UBE2F: variants seen among roughly 807,000 people sequenced by gnomAD.
The protein encoded by UBE2F is NEDD8-conjugating enzyme UBE2F.
UBE2F carries 5 observed loss-of-function variants against 29.6 expected under a neutral mutation model. The observed-to-expected ratio is 0.17, with a 90% confidence interval of 0.09 to 0.36. The LOEUF is 0.36. UBE2F is among the 10% of genes least tolerant of loss of function. The pLI is 1.00. For missense variants in UBE2F, 141 were observed against 228.5 expected (o/e 0.62, Z 2.47); for synonymous variants, 66 against 81.8 (o/e 0.81, Z 1.04).
intron 5 of UBE2F, among the ~76,000 whole-genome samples, chr2:238,018,844 T>TC (rs1199453780): frequency 6.6e-6 from 1 of 152,196 alleles, no homozygotes; most frequent in Non-Finnish European, 1.5e-5. Context: ...CGTGTGCCCT[T>TC]CCTACCACAT....
chr2:238,005,387 G>A (rs914385468), intron 4 of UBE2F, among the ~76,000 whole-genome samples: 17 of 152,030 alleles, frequency 1.1e-4, no homozygotes, highest in African/African-American at 4.1e-4. Flanking sequence ...TGTAGAGACA[G>A]GGTTTCACCA....
chr2:237,974,282 C>T (rs990826617), intron 2 of UBE2F, among the ~76,000 whole-genome samples: 8 of 151,806 alleles, frequency 5.3e-5, no homozygotes, highest in South Asian at 4.1e-4. Context: ...CTCAGCCTCT[C>T]GAGTACCAAG....
intron 4 of UBE2F, among the ~76,000 whole-genome samples, chr2:238,005,001 A>G (rs2063871422): frequency 6.6e-6 from 1 of 152,212 alleles, no homozygotes; most frequent in African/African-American, 2.4e-5. Flanking sequence ...CCCTCTTGCC[A>G]ACTTCATGAT....
At chr2:238,038,218 G>A (rs1333268214) in intron 9 of UBE2F, among the ~76,000 whole-genome samples, 1 of 152,238 alleles carries the variant, frequency 6.6e-6, no homozygotes, top group African/African-American at 2.4e-5. Context: ...GGCGGGCAGA[G>A]CAGGCCATCT....
intron 5 of UBE2F, among the ~76,000 whole-genome samples, chr2:238,020,178 T>C (rs2064260267): frequency 6.6e-6 from 1 of 152,228 alleles, no homozygotes; most frequent in South Asian, 2.1e-4. Context: ...CCCACTGGGC[T>C]GTGAGCCCTG....
rs749532423 is a variant in UBE2F at position 237,987,968 on chromosome 2, G to A, written c.124G>A (p.Ala42Thr). ...VRDKLLVKEV[A>T]ELEANLPCTC... ...TAATTTCTTTGTTTCTACAGAGGTT[G>A]CAGAACTTGAAGCTAATTTACCTTG... Residue 42 changes from alanine to threonine, a missense_variant, in exon 3 of 10, where the codon GCA becomes ACA. Coordinates refer to ENST00000272930, the MANE Select transcript of UBE2F (RefSeq NM_080678.3). 1.3e-6 allele frequency: 2 copies of A among 1,499,862 alleles called. No homozygotes were observed. The highest frequency in any genetic ancestry group is 1.8e-6 in the Non-Finnish European group (2 of 1,116,752). 92.9% of individuals were successfully genotyped at this position (1,499,862 alleles called of 1,614,324 possible). A position where few individuals can be genotyped will look rare whatever the true frequency, so the allele number is the denominator to read the frequency against.
intron 4 of UBE2F, among the ~76,000 whole-genome samples, chr2:238,005,188 T>A (rs568702918): frequency 7.4e-4 from 113 of 152,354 alleles, no homozygotes; most frequent in African/African-American, 2.6e-3. Flanking sequence ...GATTTTCTCT[T>A]ATTTTTAAAA....
chr2:238,004,793 G>A (rs576050557), intron 4 of UBE2F, among the ~76,000 whole-genome samples: 22 of 152,286 alleles, frequency 1.4e-4, no homozygotes, highest in African/African-American at 5.1e-4. Context: ...AAAGTGGAAA[G>A]GGAGAGAGAA....
chr2:238,004,869 G>GCAGGTGAGGC (rs1168793813), intron 4 of UBE2F, among the ~76,000 whole-genome samples: 1 of 152,206 alleles, frequency 6.6e-6, no homozygotes, highest in Non-Finnish European at 1.5e-5. Flanking sequence ...CTGGCAGAAA[G>GCAGGTGAGGC]ACTCACCTGC....
chr2:238,015,355 T>A (rs1169741627), intron 4 of UBE2F, among the ~76,000 whole-genome samples: 1 of 152,140 alleles, frequency 6.6e-6, no homozygotes, highest in Non-Finnish European at 1.5e-5. Context: ...ACCTCAGTAA[T>A]AAAAGGAGAG....
chr2:238,018,304 T>C (rs773809981), intron 5 of UBE2F, among the ~76,000 whole-genome samples: 24 of 152,244 alleles, frequency 1.6e-4, no homozygotes, highest in African/African-American at 2.4e-4. Flanking sequence ...TAAATACTTA[T>C]GACATACCGT....
At chr2:238,029,981 C>A (rs1021858844) in intron 6 of UBE2F, among the ~76,000 whole-genome samples, 1 of 150,760 alleles carries the variant, frequency 6.6e-6, no homozygotes, top group African/African-American at 2.5e-5. Context: ...GGGCCTCACA[C>A]TATTCCCAGG....
intron 2 of UBE2F, among the ~76,000 whole-genome samples, chr2:237,981,159 T>A (rs985685428): frequency 9.9e-5 from 15 of 152,104 alleles, no homozygotes; most frequent in Non-Finnish European, 1.3e-4. Context: ...CTCATTACCT[T>A]GTAGGTGGGT....
At chr2:238,020,909 A>G (rs2106390082) in intron 5 of UBE2F, among the ~76,000 whole-genome samples, 1 of 152,242 alleles carries the variant, frequency 6.6e-6, no homozygotes, top group South Asian at 2.1e-4. Flanking sequence ...CTGACATGAC[A>G]ATGAGGAGCC....
chr2:237,994,272 G>A (rs1185227794), intron 3 of UBE2F, among the ~76,000 whole-genome samples: 5 of 152,090 alleles, frequency 3.3e-5, no homozygotes, highest in African/African-American at 7.2e-5. Flanking sequence ...CACCATGCCT[G>A]GCCAGCACCC....
intron 2 of UBE2F, among the ~76,000 whole-genome samples, chr2:237,978,990 G>A (rs2063334040): frequency 6.6e-6 from 1 of 152,170 alleles, no homozygotes; most frequent in African/African-American, 2.4e-5. Flanking sequence ...CTGTCTCCCT[G>A]TTCTTTCACT....
intron 5 of UBE2F, among the ~76,000 whole-genome samples, chr2:238,017,648 G>A (rs1559220893): frequency 6.6e-6 from 1 of 152,128 alleles, no homozygotes; most frequent in African/African-American, 2.4e-5. Flanking sequence ...AATTGCCAGG[G>A]GTTGACGTAC....
rs114797825 is a variant in UBE2F, at chr2:238,020,436, G to A, written c.282+3803G>A. Among the ~76,000 whole-genome samples, 281 of 152,254 alleles carry A rather than the reference G, an allele frequency of 1.8e-3. 1 individual carries two copies. Among genetic ancestry groups the A allele is most frequent in the African/African-American group, 6.3e-3 (263 of 41,552 alleles). ...TGAGAACGGATACAGCAGCCAGTGC[G>A]GAGCCTAGGGATGGGCTGGGGCTTC... On this transcript the variant is annotated intron_variant, in intron 5 of 9. Coordinates refer to ENST00000272930, the MANE Select transcript of UBE2F (RefSeq NM_080678.3).
intron 4 of UBE2F, among the ~76,000 whole-genome samples, chr2:237,995,100 G>A (rs1440639938): frequency 6.6e-6 from 1 of 152,186 alleles, no homozygotes; most frequent in Non-Finnish European, 1.5e-5. Flanking sequence ...GAAGTCATAA[G>A]TGGGTTCCAA....
Sources: allele counts gnomAD v4.1 joint callset (sites outside exome capture counted in the v4.1 genomes callset), GRCh38; gene constraint gnomAD v4.1.1; transcripts MANE v1.5; gene names NCBI Gene and HGNC (gene_info 2026-07-23, HGNC 2026-07-21).